The following CDC42SE2 variants were observed in gnomAD, a reference collection of about 807,000 sequenced individuals.
CDC42SE2 encodes CDC42 small effector 2, also known as CDC42 small effector protein 2.
Under a neutral mutation model 11.5 loss-of-function variants are expected in CDC42SE2, and 3 were observed. The ratio of observed to expected loss-of-function variants is 0.26; its 90% CI spans 0.12 to 0.67. CDC42SE2 has a LOEUF of 0.67. CDC42SE2 is among the 30% of genes least tolerant of loss of function. CDC42SE2 has a pLI of 0.80. For synonymous variants in CDC42SE2, 33 were observed against 34.8 expected, an observed-to-expected ratio of 0.95 and a Z score of 0.18; for missense variants, 82 against 106.8, an observed-to-expected ratio of 0.77 and a Z score of 1.02.
upstream of CDC42SE2, among the ~76,000 whole-genome samples, chr5:131,243,477 T>A (rs971159650): frequency 6.6e-6 from 1 of 152,090 alleles, no homozygotes; most frequent in African/African-American, 2.4e-5. Context: ...TCCCAGCTAC[T>A]CGGGAGGCTA....
At chr5:131,339,838 T>A (rs1007762080) in intron 2 of CDC42SE2, among the ~76,000 whole-genome samples, 2 of 150,078 alleles carry the variant, frequency 1.3e-5, no homozygotes, top group African/African-American at 4.9e-5. Flanking sequence ...GAGAAAATTA[T>A]GATCATTGAA....
the CDC42SE2 span, among the ~76,000 whole-genome samples, chr5:131,213,944 G>T: frequency 6.6e-6 from 1 of 151,986 alleles, no homozygotes. Flanking sequence ...ATTCAACCAA[G>T]ATTAACTGAA....
the CDC42SE2 span, among the ~76,000 whole-genome samples, chr5:131,216,514 A>AAAAAAC: frequency 5.4e-5 from 8 of 149,254 alleles, no homozygotes; most frequent in Middle Eastern, 6.9e-3. Context: ...AAAAAAAAAA[A>AAAAAAC]AAAAAAAACA....
chr5:131,230,822 T>C, the CDC42SE2 span, among the ~76,000 whole-genome samples: 1 of 152,258 alleles, frequency 6.6e-6, no homozygotes, highest in African/African-American at 2.4e-5. Context: ...TCTGCACCTA[T>C]TGAGACGTTA....
chr5:131,293,546 T>G (rs978525837), intron 1 of CDC42SE2, among the ~76,000 whole-genome samples: 7 of 134,554 alleles, frequency 5.2e-5, no homozygotes, highest in Non-Finnish European at 1.1e-4. Context: ...CACTCTAGCC[T>G]GGGTGACGAG....
intron 1 of CDC42SE2, among the ~76,000 whole-genome samples, chr5:131,273,661 G>A (rs1484953634): frequency 6.6e-6 from 1 of 150,764 alleles, no homozygotes; most frequent in Admixed American, 6.6e-5. Context: ...TAGTCCCAGC[G>A]ACTAGGGAGG....
intron 2 of CDC42SE2, among the ~76,000 whole-genome samples, chr5:131,338,192 G>A (rs1180146684): frequency 6.6e-6 from 1 of 152,182 alleles, no homozygotes; most frequent in Admixed American, 6.5e-5. Flanking sequence ...GACAACCACA[G>A]TTATTTTTGT....
chr5:131,345,274 G>A (rs868144010), intron 2 of CDC42SE2, among the ~76,000 whole-genome samples: 5 of 152,048 alleles, frequency 3.3e-5, no homozygotes, highest in African/African-American at 4.8e-5. Flanking sequence ...TGAGACGAAT[G>A]GCTAACTAGA....
intron 4 of CDC42SE2, among the ~76,000 whole-genome samples, chr5:131,389,693 G>T (rs890932980): frequency 1.3e-5 from 2 of 152,222 alleles, no homozygotes; most frequent in African/African-American, 4.8e-5. Flanking sequence ...TTATGTTACA[G>T]TAGGTGCTCA....
chr5:131,218,099 C>G, the CDC42SE2 span, among the ~76,000 whole-genome samples: 1 of 142,182 alleles, frequency 7.0e-6, no homozygotes, highest in Non-Finnish European at 1.5e-5. Context: ...TCACTTGAGT[C>G]GGGGAGGTCA....
chr5:131,231,277 A>G, the CDC42SE2 span, among the ~76,000 whole-genome samples: 1 of 152,148 alleles, frequency 6.6e-6, no homozygotes, highest in African/African-American at 2.4e-5. Flanking sequence ...ATTTTCATTC[A>G]TATTTTTCTT....
chr5:131,346,720 A>G (rs1758855112), intron 2 of CDC42SE2, among the ~76,000 whole-genome samples: 1 of 152,204 alleles, frequency 6.6e-6, no homozygotes, highest in South Asian at 2.1e-4. Flanking sequence ...GCACCACATC[A>G]CACTTACTCC....
At chr5:131,331,797 G>T (rs577177980) in intron 2 of CDC42SE2, among the ~76,000 whole-genome samples, 9 of 152,232 alleles carry the variant, frequency 5.9e-5, no homozygotes, top group Non-Finnish European at 1.3e-4. Flanking sequence ...TTCTGTTTAT[G>T]AAATCTTCCA....
At chr5:131,251,444 G>A (rs892302548) in intron 1 of CDC42SE2, among the ~76,000 whole-genome samples, 1 of 152,130 alleles carries the variant, frequency 6.6e-6, no homozygotes, top group African/African-American at 2.4e-5. Context: ...CATCAAGTAA[G>A]TTAATTTCCT....
chr5:131,272,289 G>T (rs1757009508), intron 1 of CDC42SE2, among the ~76,000 whole-genome samples: 1 of 151,960 alleles, frequency 6.6e-6, no homozygotes, highest in South Asian at 2.1e-4. Context: ...CCAAAATACT[G>T]AGATTACAAG....
chr5:131,337,206 G>C (rs1472120442), intron 2 of CDC42SE2, among the ~76,000 whole-genome samples: 4 of 152,172 alleles, frequency 2.6e-5, no homozygotes, highest in Non-Finnish European at 4.4e-5. Flanking sequence ...CTCAACTGCA[G>C]GTCTTTTGGA....
At chr5:131,390,901 C>A in intron 4 of CDC42SE2, 92 bp from the exon 5 acceptor site, 1 of 751,160 alleles carries the variant, frequency 1.3e-6, no homozygotes, top group Non-Finnish European at 2.1e-6. Context: ...AAAAAGCAGC[C>A]CAAATAAAAT....
At chr5:131,356,595 T>A (rs1749555005) in intron 2 of CDC42SE2, among the ~76,000 whole-genome samples, 1 of 152,184 alleles carries the variant, frequency 6.6e-6, no homozygotes, top group South Asian at 2.1e-4. Flanking sequence ...GCAGATCCAT[T>A]ATCTAAATGG....
At position 131,391,126 on chromosome 5, in the gene CDC42SE2, G is replaced by A. The variant is rs746900049; in HGVS notation, c.*35G>A. ...TTTCTCCAGTGAGTACTCAGAGCTG[G>A]GGTCTGGACCTGACGGCCAGACATG... On this transcript the variant is annotated 3_prime_UTR_variant, in exon 5 of 5. Coordinates refer to ENST00000505065, the MANE Select transcript of CDC42SE2 (RefSeq NM_001375635.1). The A allele has an allele frequency of 1.3e-6, 2 of 1,520,396 alleles. No individual in the cohort carries two copies. Among genetic ancestry groups the A allele is most frequent in the African/African-American group, 1.4e-5 (1 of 72,836 alleles). 94.2% of individuals were successfully genotyped at this position (1,520,396 alleles called of 1,614,324 possible). A position where few individuals can be genotyped will look rare whatever the true frequency, so the allele number is the denominator to read the frequency against.
Sources: allele counts gnomAD v4.1 joint callset (sites outside exome capture counted in the v4.1 genomes callset), GRCh38; gene constraint gnomAD v4.1.1; transcripts MANE v1.5; gene names NCBI Gene and HGNC (gene_info 2026-07-23, HGNC 2026-07-21).